The following WASHC2A variants were observed in gnomAD, a reference collection of about 807,000 sequenced individuals.
WASHC2A encodes WASH complex subunit 2A.
WASHC2A carries 82 observed loss-of-function variants against 140.3 expected under a neutral mutation model. The observed-to-expected ratio is 0.58, with a 90% confidence interval of 0.49 to 0.70. The LOEUF is 0.70. Ranked by LOEUF, WASHC2A falls within the 30% of genes least tolerant of loss-of-function variation. WASHC2A has a pLI of 0.00. For missense variants in WASHC2A, 985 were observed against 1,521.8 expected (o/e 0.65, Z 5.87); for synonymous variants, 340 against 560.8 (o/e 0.61, Z 5.56).
At chr10:50,075,583 ATTC>A (rs1226232681) in intron 3 of WASHC2A, among the ~76,000 whole-genome samples, 1 of 150,306 alleles carries the variant, frequency 6.7e-6, no homozygotes, top group Non-Finnish European at 1.5e-5. Flanking sequence ...CCAACTTTTT[ATTC>A]TTTTTACCTA....
At position 50,080,104 on chromosome 10, in the gene WASHC2A, C is replaced by T. The variant is rs868931013; in HGVS notation, c.355-654C>T. 5.3e-3 allele frequency among the ~76,000 whole-genome samples: 803 copies of T among 152,044 alleles called. 3 individuals are homozygous for T. Among genetic ancestry groups the T allele is most frequent in the African/African-American group, 0.019 (766 of 41,394 alleles). ...TCTCACAATGGCACACTTGTGTCTG[C>T]GGGGACTGCCATTGAGAACTGCTGT... On this transcript the variant is annotated intron_variant, in intron 4 of 30. Transcript: ENST00000282633.
At chr10:50,093,775 G>T (rs1404385424) in intron 12 of WASHC2A, 85 bp from the exon 13 acceptor site, 2 of 621,528 alleles carry the variant, frequency 3.2e-6, no homozygotes, top group African/African-American at 2.0e-5. Flanking sequence ...AATCTTGTAG[G>T]TTATTTTTCC....
chr10:50,095,082 A>C lies in WASHC2A; in HGVS notation c.1181-66A>C, dbSNP rs1240281176. 3.1e-6 allele frequency: 5 copies of C among 1,598,334 alleles called. No individual in the cohort carries two copies. The African/African-American group carries it at 6.7e-5, about 21-fold the overall frequency. On this transcript the variant is annotated intron_variant, in intron 13 of 30. Transcript: ENST00000282633. Reference sequence around the variant, plus strand: ...CTGTGTTTTACATCGCACGTATTTCAGGAAGAAAATAGCAAGGAAAGTTAT... The same window carrying C: ...CTGTGTTTTACATCGCACGTATTTCCGGAAGAAAATAGCAAGGAAAGTTAT...
chr10:50,068,051 CGCCGTCCCT>C, intron 1 of WASHC2A, 43 bp downstream of exon 1: 1 of 1,608,036 alleles, frequency 6.2e-7, no homozygotes, highest in Non-Finnish European at 8.5e-7. Context: ...GGGCTGGGGC[CGCCGTCCCT>C]GCCGCCCTCA....
chr10:50,130,805 C>A, intron 29 of WASHC2A, 96 bp from the exon 30 acceptor site: 1 of 1,578,678 alleles, frequency 6.3e-7, no homozygotes, highest in Non-Finnish European at 8.6e-7. Flanking sequence ...TTCCACACAC[C>A]CTGGCCAATT....
chr10:50,121,778 TA>T (rs1177698516), intron 23 of WASHC2A, among the ~76,000 whole-genome samples: 1 of 147,756 alleles, frequency 6.8e-6, no homozygotes, highest in African/African-American at 2.6e-5. Flanking sequence ...CCAAGAAGGG[TA>T]AAATACTTAG....
At chr10:50,099,279 T>C (rs1300020881) in intron 16 of WASHC2A, among the ~76,000 whole-genome samples, 2 of 150,848 alleles carry the variant, frequency 1.3e-5, no homozygotes, top group South Asian at 2.1e-4. Context: ...CTTTTTTTTT[T>C]TTTTTTATGA....
chr10:50,127,540 C>A, intron 27 of WASHC2A, 43 bp from the exon 28 acceptor site: 1 of 1,606,494 alleles, frequency 6.2e-7, no homozygotes, highest in Middle Eastern at 2.3e-4. Flanking sequence ...TAATAGACTG[C>A]TGTGTTGAAG....
Position 50,126,850 on chromosome 10 carries a change from A to G in WASHC2A, c.2812-310A>G, listed in dbSNP as rs1040456842. Among the ~76,000 whole-genome samples the G allele has an allele frequency of 2.2e-3, 337 of 151,986 alleles. 2 individuals carry two copies. The highest frequency in any genetic ancestry group is 7.9e-3 in the African/African-American group (327 of 41,438). On this transcript the variant is annotated intron_variant, in intron 26 of 30. Coordinates refer to ENST00000282633, the MANE Select transcript of WASHC2A (RefSeq NM_001005751.3). ...CCTTGAAATTTCTATTTGATAACCA[A>G]CATGGTAATTTTGCCTGCTGGTCAG...
rs1838266694 is a variant in WASHC2A, at chr10:50,075,870, T to TTTTACTTTTTACTTTTCA, written c.292-2804_292-2803insTTACTTTTTACTTTTCAT. On this transcript the variant is annotated intron_variant, in intron 3 of 30. Transcript: ENST00000282633. ...TCAGAATTGTCATGGTTATCAATCT[T>TTTTACTTTTTACTTTTCA]TGGCTTTTTACTTTTCTGTGTGAAT... Among the ~76,000 whole-genome samples the TTTTACTTTTTACTTTTCA allele has an allele frequency of 4.6e-5, 7 of 152,196 alleles. No homozygotes were observed. In the South Asian group the frequency reaches 1.5e-3, roughly 32 times the overall value.
chr10:50,068,511 C>G (rs1432085293), intron 2 of WASHC2A, among the ~76,000 whole-genome samples: 1 of 151,380 alleles, frequency 6.6e-6, no homozygotes. Context: ...AGGGATTGCT[C>G]GGGCACTAGG....
At chr10:50,097,369 C>T (rs1840586095) in intron 15 of WASHC2A, among the ~76,000 whole-genome samples, 1 of 151,312 alleles carries the variant, frequency 6.6e-6, no homozygotes, top group African/African-American at 2.4e-5. Flanking sequence ...GATCTTTCTT[C>T]CTCTAGATCT....
At chr10:50,113,243 C>T (rs1842427250) in intron 20 of WASHC2A, among the ~76,000 whole-genome samples, 1 of 151,906 alleles carries the variant, frequency 6.6e-6, no homozygotes, top group African/African-American at 2.4e-5. Flanking sequence ...GTGACGTGTG[C>T]CTGTAGTTGT....
chr10:50,109,802 C>T (rs1201527657), intron 19 of WASHC2A, among the ~76,000 whole-genome samples: 46 of 152,160 alleles, frequency 3.0e-4, no homozygotes, highest in Admixed American at 7.2e-4. Context: ...CAGAGTCTCG[C>T]TCTGTCCCCC....
intron 11 of WASHC2A, among the ~76,000 whole-genome samples, chr10:50,092,511 G>C (rs1840028599): frequency 6.6e-6 from 1 of 151,954 alleles, no homozygotes; most frequent in South Asian, 2.1e-4. Flanking sequence ...CAAAAAATTA[G>C]CTTGGCATGG....
Position 50,127,221 on chromosome 10 carries a change from A to T in WASHC2A, c.2873A>T (p.Gln958Leu). The change falls in exon 27 of 31, where the codon CAA becomes CTA. Residue 958 changes from glutamine to leucine, a missense_variant and splice_region_variant. By Grantham distance (113) the Gln-to-Leu change is moderately radical (BLOSUM62 -2). Coordinates refer to ENST00000282633, the MANE Select transcript of WASHC2A (RefSeq NM_001005751.3). ...CCATCCACTCGGATCGGGAAGATACAAGTAATTAAAACACTGGAATCTTCA... is the reference window on the plus strand; with the variant it reads ...CCATCCACTCGGATCGGGAAGATACTAGTAATTAAAACACTGGAATCTTCA... The part of the protein sequence containing the change: ...KEPSTRIGKI[Q>L]ANLAINPAAL... The T allele has an allele frequency of 6.2e-7, 1 of 1,612,072 alleles. No homozygotes were observed. The highest frequency in any genetic ancestry group is 8.5e-7 in the Non-Finnish European group (1 of 1,179,868).
intron 19 of WASHC2A, among the ~76,000 whole-genome samples, chr10:50,108,923 C>G (rs1227568017): frequency 2.0e-5 from 3 of 149,866 alleles, no homozygotes; most frequent in Non-Finnish European, 3.0e-5. Flanking sequence ...GAAGACCTGA[C>G]GAGTGCTGAC....
intron 17 of WASHC2A, among the ~76,000 whole-genome samples, chr10:50,101,246 G>A (rs1210424790): frequency 1.3e-5 from 2 of 152,308 alleles, no homozygotes; most frequent in African/African-American, 4.8e-5. Context: ...TTATGCTCAT[G>A]GATCCCATGT....
In WASHC2A at chr10:50,104,200, T is replaced by C; in HGVS notation, c.1737+57T>C. 3.2e-6 allele frequency: 5 copies of C among 1,567,260 alleles called. No homozygotes were observed. The South Asian group carries it at 4.5e-5, about 14-fold the overall frequency. On this transcript the variant is annotated intron_variant, in intron 18 of 30. Coordinates refer to ENST00000282633, the MANE Select transcript of WASHC2A (RefSeq NM_001005751.3). ...TAGATTAGGAGAAAACGGTTGTTGA[T>C]GCAACTTTCTACCCAGAGGCTCATA... is the stretch of plus-strand genomic sequence containing the variant.
Sources: gnomAD v4.1 joint callset for allele counts (sites outside exome capture counted in the v4.1 genomes callset) on GRCh38, gnomAD v4.1.1 for gene constraint, MANE v1.5 for transcripts, NCBI Gene and HGNC (gene_info 2026-07-23, HGNC 2026-07-21) for gene names.